Variants in RTL4 observed in about 807,000 individuals in gnomAD.
The protein encoded by RTL4 is retrotransposon Gag-like protein 4.
A neutral mutation model predicts 5.3 loss-of-function variants in RTL4; 4 were observed. That is an observed-to-expected ratio of 0.75 (90% CI 0.37 to 1.72). The LOEUF is 1.72. RTL4 is among the 40% of genes most tolerant of loss of function. The pLI is 0.04. For synonymous variants in RTL4, 98 were observed against 87.3 expected, an observed-to-expected ratio of 1.12 and a Z score of -0.68; for missense variants, 260 against 227.1, an observed-to-expected ratio of 1.14 and a Z score of -0.93.
the RTL4 span, among the ~76,000 whole-genome samples, chrX:112,446,392 A>G: frequency 1.8e-5 from 2 of 111,936 alleles, no homozygotes; most frequent in Non-Finnish European, 3.8e-5. Flanking sequence ...GTTTCTCACT[A>G]TTCTGGCTAA....
the RTL4 span, among the ~76,000 whole-genome samples, chrX:112,088,769 G>A: frequency 4.7e-4 from 53 of 112,267 alleles, no homozygotes; most frequent in African/African-American, 1.7e-3. Flanking sequence ...GTGTGAAGTG[G>A]TATCTCATTG....
the RTL4 span, among the ~76,000 whole-genome samples, chrX:112,138,950 T>C: frequency 2.7e-5 from 3 of 111,637 alleles, no homozygotes; most frequent in Non-Finnish European, 5.7e-5. Context: ...ATAATGTCTG[T>C]TTATTGTTTC....
At chrX:112,247,953 A>G in the RTL4 span, among the ~76,000 whole-genome samples, 1 of 112,173 alleles carries the variant, frequency 8.9e-6, no homozygotes, top group Non-Finnish European at 1.9e-5. Context: ...CATATCTTTC[A>G]TCTGTGACCA....
chrX:112,271,034 T>G, the RTL4 span, among the ~76,000 whole-genome samples: 12 of 88,035 alleles, frequency 1.4e-4, no homozygotes, highest in African/African-American at 4.6e-4. Context: ...TGTGAAAGAT[T>G]TGGTCCTGGA....
At chrX:112,093,539 G>C in the RTL4 span, among the ~76,000 whole-genome samples, 1 of 111,394 alleles carries the variant, frequency 9.0e-6, no homozygotes, top group Non-Finnish European at 1.9e-5. Flanking sequence ...ATATTTGTTG[G>C]ATACCTCTTG....
chrX:112,268,821 T>C, the RTL4 span, among the ~76,000 whole-genome samples: 1 of 112,012 alleles, frequency 8.9e-6, no homozygotes, highest in South Asian at 3.7e-4. Context: ...CTCAAACACA[T>C]GTACAAAAAG....
the RTL4 span, among the ~76,000 whole-genome samples, chrX:112,407,749 G>A: frequency 8.9e-6 from 1 of 112,835 alleles, no homozygotes; most frequent in East Asian, 2.8e-4. Flanking sequence ...TCCTAGTAGT[G>A]ATGGCCACAG....
chrX:112,346,873 T>G, the RTL4 span, among the ~76,000 whole-genome samples: 1 of 111,673 alleles, frequency 9.0e-6, no homozygotes, highest in East Asian at 2.8e-4. Flanking sequence ...GTACAGTGGT[T>G]CTCACCAATT....
the RTL4 span, among the ~76,000 whole-genome samples, chrX:112,391,043 C>T: frequency 8.9e-6 from 1 of 112,112 alleles, no homozygotes; most frequent in Admixed American, 9.5e-5. Context: ...TTTTGTCTGA[C>T]TGTATTATTT....
At chrX:112,450,666 G>C (rs1229039683), upstream of RTL4, among the ~76,000 whole-genome samples, 3 of 112,000 alleles carry the variant, frequency 2.7e-5, no homozygotes, top group African/African-American at 9.7e-5. Flanking sequence ...ATCTTAGCAA[G>C]TGTTTCACCA....
chrX:112,238,638 G>T, the RTL4 span, among the ~76,000 whole-genome samples: 1 of 111,543 alleles, frequency 9.0e-6, no homozygotes, highest in Non-Finnish European at 1.9e-5. Context: ...AAAGAAGAAA[G>T]CAGACTGCCT....
the RTL4 span, among the ~76,000 whole-genome samples, chrX:112,399,088 G>C: frequency 8.9e-6 from 1 of 111,760 alleles, no homozygotes; most frequent in Non-Finnish European, 1.9e-5. Context: ...GTTGGATTTA[G>C]CAGCATAAAA....
the RTL4 span, among the ~76,000 whole-genome samples, chrX:112,364,694 A>C: frequency 9.0e-6 from 1 of 111,219 alleles, no homozygotes; most frequent in Non-Finnish European, 1.9e-5. Context: ...AGTAGAGAGC[A>C]GAAGTGATAT....
chrX:112,454,431 G>GT, upstream of RTL4: 1 of 227,975 alleles, frequency 4.4e-6, no homozygotes, highest in Non-Finnish European at 7.9e-6. Context: ...TACTGTGACT[G>GT]TTGTATATAT....
chrX:112,234,983 T>G, the RTL4 span, among the ~76,000 whole-genome samples: 1 of 111,236 alleles, frequency 9.0e-6, no homozygotes, highest in African/African-American at 3.3e-5. Context: ...GCTGCTTAGG[T>G]GTGTTTGGGG....
the RTL4 span, among the ~76,000 whole-genome samples, chrX:112,414,970 T>C: frequency 1.8e-5 from 2 of 111,918 alleles, no homozygotes; most frequent in East Asian, 5.6e-4. Flanking sequence ...CACTAGCTAT[T>C]ATATACATCA....
At chrX:112,354,655 G>A in the RTL4 span, among the ~76,000 whole-genome samples, 179 of 111,247 alleles carry the variant, frequency 1.6e-3, no homozygotes, top group Non-Finnish European at 3.0e-3. Context: ...GGTTATGGTC[G>A]ACATTAATAC....
At chrX:112,377,629 G>A in the RTL4 span, among the ~76,000 whole-genome samples, 1 of 112,027 alleles carries the variant, frequency 8.9e-6, no homozygotes, top group Admixed American at 9.4e-5. Flanking sequence ...GAGACCATCT[G>A]TACTACTCAA....
the RTL4 span, among the ~76,000 whole-genome samples, chrX:112,250,399 A>G: frequency 8.9e-6 from 1 of 111,815 alleles, no homozygotes; most frequent in East Asian, 2.8e-4. Context: ...GTGCTTGCTC[A>G]ATTGTCTGTC....
Sources: allele counts gnomAD v4.1 joint callset (sites outside exome capture counted in the v4.1 genomes callset), GRCh38; gene constraint gnomAD v4.1.1; transcripts MANE v1.5; gene names NCBI Gene and HGNC (gene_info 2026-07-23, HGNC 2026-07-21).